Variants in SNX29 observed in about 807,000 individuals in gnomAD.
The protein encoded by SNX29 is sorting nexin-29.
Under a neutral mutation model 102.1 loss-of-function variants are expected in SNX29, and 78 were observed. The observed-to-expected ratio is 0.76, with a 90% CI of 0.64 to 0.92. The LOEUF (loss-of-function observed/expected upper bound fraction) is 0.92, where lower values mean the gene tolerates loss of function less well. SNX29 is among the 40% of genes least tolerant of loss of function. The pLI, the probability that SNX29 is intolerant of heterozygous loss-of-function variation, is 0.00. For synonymous variants in SNX29, 580 were observed against 414.5 expected (o/e 1.40, Z -4.85); for missense variants, 1,280 against 1,061.7 (o/e 1.21, Z -2.86).
At chr16:12,351,929 G>C (rs937730371) in intron 15 of SNX29, among the ~76,000 whole-genome samples, 6 of 152,088 alleles carry the variant, frequency 3.9e-5, no homozygotes, top group African/African-American at 1.4e-4. Context: ...AGCGGGCAGG[G>C]GAGTAGTGGC....
chr16:12,208,096 C>T (rs920763846), intron 14 of SNX29, among the ~76,000 whole-genome samples: 9 of 152,198 alleles, frequency 5.9e-5, no homozygotes, highest in African/African-American at 2.2e-4. Flanking sequence ...AGCAACATTC[C>T]ATACCACTTA....
chr16:12,433,487 C>G (rs1428205533), intron 18 of SNX29, among the ~76,000 whole-genome samples: 2 of 151,986 alleles, frequency 1.3e-5, no homozygotes, highest in Non-Finnish European at 2.9e-5. Flanking sequence ...AACAATTAGC[C>G]TGGCGTGGTG....
chr16:12,157,673 GGT>G (rs1197457293), intron 13 of SNX29, among the ~76,000 whole-genome samples: 1 of 152,128 alleles, frequency 6.6e-6, no homozygotes, highest in East Asian at 1.9e-4. Flanking sequence ...TTCCTATCTT[GGT>G]CAAGTTCATG....
chr16:12,146,948 T>TA (rs1171436407), intron 13 of SNX29, among the ~76,000 whole-genome samples: 1 of 152,190 alleles, frequency 6.6e-6, no homozygotes, highest in Non-Finnish European at 1.5e-5. Context: ...AGAGACAGCA[T>TA]AATGGGAGAG....
intron 14 of SNX29, among the ~76,000 whole-genome samples, chr16:12,236,030 T>G (rs542153628): frequency 6.6e-6 from 1 of 152,300 alleles, no homozygotes; most frequent in Non-Finnish European, 1.5e-5. Flanking sequence ...ACTCTCTGTT[T>G]CCTTCCTGTC....
chr16:12,120,930 T>G (rs539047027), intron 11 of SNX29, among the ~76,000 whole-genome samples: 1 of 152,338 alleles, frequency 6.6e-6, no homozygotes, highest in South Asian at 2.1e-4. Context: ...GCTGTGAACC[T>G]GCTGGTTAGT....
In SNX29 at chr16:12,087,643, C is replaced by T. The variant is rs189314759; in HGVS notation, c.1402+8728C>T. 672 of 358,696 alleles carry T rather than the reference C, an allele frequency of 1.9e-3. 2 individuals carry two copies. Among genetic ancestry groups the T allele is most frequent in the Non-Finnish European group, 3.3e-3 (598 of 180,506 alleles). The allele number at this position is 358,696 out of a possible 1,614,324, so 22.2% of individuals were successfully genotyped here. A position where few individuals can be genotyped will look rare whatever the true frequency, so the allele number is the denominator to read the frequency against. On this transcript the variant is annotated intron_variant, in intron 11 of 20. Coordinates refer to ENST00000566228, the MANE Select transcript of SNX29 (RefSeq NM_032167.5). ...AGTACTCATTAGATGGTAAAGCAGC[C>T]GTCATTATGCGAGATGCCTCTCTGA... is the stretch of plus-strand genomic sequence containing the variant.
intron 20 of SNX29, among the ~76,000 whole-genome samples, chr16:12,550,481 G>A (rs1010730523): frequency 6.6e-6 from 1 of 150,686 alleles, no homozygotes. Context: ...GTTGGAGTGA[G>A]CTGACATTGT....
intron 20 of SNX29, among the ~76,000 whole-genome samples, chr16:12,545,045 C>G (rs765382318): frequency 6.6e-6 from 1 of 150,862 alleles, no homozygotes; most frequent in Non-Finnish European, 1.5e-5. Flanking sequence ...GTCTGTGATG[C>G]CCTGCTCCTG....
Position 11,989,682 on chromosome 16 carries a change from C to T in SNX29, c.8-9615C>T, listed in dbSNP as rs139562039. On this transcript the variant is annotated intron_variant, in intron 1 of 20. Coordinates refer to ENST00000566228, the MANE Select transcript of SNX29 (RefSeq NM_032167.5). ...TCTAGATTCAACAACTGTTGAGTTCCTTCTGTGATGGGAGAGAGTTCGTGA... is the reference window on the plus strand; with the variant it reads ...TCTAGATTCAACAACTGTTGAGTTCTTTCTGTGATGGGAGAGAGTTCGTGA... Among the ~76,000 whole-genome samples, 472 of 152,300 alleles carry T rather than the reference C, an allele frequency of 3.1e-3. 1 individual carries two copies. The highest frequency in any genetic ancestry group is 0.011 in the African/African-American group (446 of 41,560).
chr16:12,094,193 A>G (rs1397846410), intron 11 of SNX29, among the ~76,000 whole-genome samples: 1 of 152,214 alleles, frequency 6.6e-6, no homozygotes, highest in African/African-American at 2.4e-5. Flanking sequence ...CAGATGGAAG[A>G]TACTCAGAAG....
chr16:12,459,850 C>T (rs2086703192), intron 18 of SNX29, among the ~76,000 whole-genome samples: 1 of 152,128 alleles, frequency 6.6e-6, no homozygotes, highest in Admixed American at 6.5e-5. Flanking sequence ...CCCCATTTCC[C>T]CAAAGCCATA....
chr16:12,260,061 C>A (rs1029269655), intron 14 of SNX29, among the ~76,000 whole-genome samples: 1 of 152,238 alleles, frequency 6.6e-6, no homozygotes, highest in African/African-American at 2.4e-5. Context: ...TTCACAGGCA[C>A]TTCTCTGTGA....
intron 18 of SNX29, among the ~76,000 whole-genome samples, chr16:12,453,619 A>C (rs903194215): frequency 3.3e-5 from 5 of 151,962 alleles, no homozygotes; most frequent in Admixed American, 6.6e-5. Flanking sequence ...GGTCTCAAGC[A>C]GTCCTTGTGC....
intron 18 of SNX29, among the ~76,000 whole-genome samples, chr16:12,408,164 ACAAACAAACAAAC>A (rs2084248180): frequency 2.0e-5 from 3 of 150,022 alleles, no homozygotes; most frequent in African/African-American, 7.4e-5. Context: ...TCTCAAAAAA[ACAAACAAACAAAC>A]AAAAAAAAAA....
chr16:12,323,710 T>A (rs1027714464), intron 15 of SNX29, among the ~76,000 whole-genome samples: 6 of 152,032 alleles, frequency 3.9e-5, no homozygotes, highest in African/African-American at 7.2e-5. Context: ...GTGGGGTGAT[T>A]AAGGGTGTGG....
chr16:12,364,201 ATGTT>A (rs1180179689), intron 16 of SNX29, among the ~76,000 whole-genome samples: 187 of 151,488 alleles, frequency 1.2e-3, no homozygotes, highest in African/African-American at 4.2e-3. Context: ...ATGTTATGTT[ATGTT>A]ATGTTATGTT....
chr16:12,405,260 C>T (rs1329691229), intron 18 of SNX29, among the ~76,000 whole-genome samples: 6 of 152,132 alleles, frequency 3.9e-5, no homozygotes, highest in Admixed American at 1.3e-4. Context: ...TGACTTTTCC[C>T]CCTGTTTACC....
chr16:12,242,406 C>T (rs1193675152), intron 14 of SNX29, among the ~76,000 whole-genome samples: 1 of 144,858 alleles, frequency 6.9e-6, no homozygotes, highest in Non-Finnish European at 1.5e-5. Flanking sequence ...TACATTCAAT[C>T]CTCATCTTGA....
Sources: gnomAD v4.1 joint callset for allele counts (sites outside exome capture counted in the v4.1 genomes callset) on GRCh38, gnomAD v4.1.1 for gene constraint, MANE v1.5 for transcripts, NCBI Gene and HGNC (gene_info 2026-07-23, HGNC 2026-07-21) for gene names.